Variants in RIMS2 observed in about 807,000 individuals in gnomAD.
RIMS2 encodes regulating synaptic membrane exocytosis protein 2.
RIMS2 carries 59 observed loss-of-function variants against 174.4 expected under a neutral mutation model. The ratio of observed to expected loss-of-function variants is 0.34; its 90% CI spans 0.27 to 0.42. The LOEUF is 0.42. Among genes scored for constraint, RIMS2 ranks in the 10% least tolerant of loss-of-function variants. The probability of loss-of-function intolerance (pLI) is 1.00; values close to 1 mark genes in which losing one functional copy is unlikely to be tolerated. For missense variants in RIMS2, 1,620 were observed against 1,666.3 expected (o/e 0.97, Z 0.48); for synonymous variants, 606 against 572.5 (o/e 1.06, Z -0.84).
chr8:103,849,528 T>G (rs936117385), intron 3 of RIMS2, among the ~76,000 whole-genome samples: 5 of 152,002 alleles, frequency 3.3e-5, no homozygotes, highest in Admixed American at 2.6e-4. Context: ...GTTTTTTGAG[T>G]GTAAATTGCA....
At chr8:104,076,053 G>A (rs547761789) in intron 19 of RIMS2, among the ~76,000 whole-genome samples, 42 of 152,222 alleles carry the variant, frequency 2.8e-4, no homozygotes, top group African/African-American at 8.7e-4. Flanking sequence ...CCTTTATCAA[G>A]TATATTTATG....
At chr8:103,800,014 A>G (rs889456738) in intron 3 of RIMS2, among the ~76,000 whole-genome samples, 1 of 152,184 alleles carries the variant, frequency 6.6e-6, no homozygotes, top group Admixed American at 6.5e-5. Flanking sequence ...TCACTTGTGG[A>G]CATGATGAAG....
rs1242755201 is a variant in RIMS2, at chr8:103,559,755, A to G, written c.176+58693A>G. On this transcript the variant is annotated intron_variant, in intron 1 of 23. Coordinates refer to ENST00000504942, the Ensembl canonical transcript of RIMS2. ...TGTCTGAGATTTTATTCTATTGACA[A>G]ACTAACAAGTTAGCCTGCCGTGGTT... Among the ~76,000 whole-genome samples, 3 of 152,224 alleles carry G rather than the reference A, an allele frequency of 2.0e-5. No individual in the cohort carries two copies. The East Asian group carries it at 5.8e-4, about 29-fold the overall frequency.
At chr8:103,782,433 CGTGTGTGTGTGT>C (rs71297237) in intron 3 of RIMS2, among the ~76,000 whole-genome samples, 5 of 145,736 alleles carry the variant, frequency 3.4e-5, no homozygotes, top group Non-Finnish European at 6.1e-5. Context: ...ACATAAATCC[CGTGTGTGTGTGT>C]GTGTGTGTGT....
At chr8:103,537,652 T>G (rs1256910965) in intron 1 of RIMS2, among the ~76,000 whole-genome samples, 1 of 152,138 alleles carries the variant, frequency 6.6e-6, no homozygotes, top group Non-Finnish European at 1.5e-5. Context: ...ATGTCTGGCT[T>G]TACCAAGCCA....
At chr8:104,175,165 G>A (rs982823636) in intron 19 of RIMS2, among the ~76,000 whole-genome samples, 13 of 151,960 alleles carry the variant, frequency 8.6e-5, no homozygotes, top group African/African-American at 3.1e-4. Context: ...CAAAAGATGT[G>A]TTATCTGCTA....
intron 19 of RIMS2, among the ~76,000 whole-genome samples, chr8:104,169,339 T>TATATATATATATATAA (rs1359764472): frequency 9.0e-5 from 3 of 33,274 alleles, no homozygotes; most frequent in African/African-American, 4.7e-4. Flanking sequence ...TATATATATA[T>TATATATATATATATAA]AAAACAGATT....
chr8:103,709,141 A>T (rs539408472), intron 2 of RIMS2, among the ~76,000 whole-genome samples: 58 of 152,246 alleles, frequency 3.8e-4, no homozygotes, highest in African/African-American at 1.4e-3. Context: ...AATTCAGTAT[A>T]TTTTTTAATA....
chr8:104,238,551 G>A (rs922051285), intron 19 of RIMS2, among the ~76,000 whole-genome samples: 3 of 152,038 alleles, frequency 2.0e-5, no homozygotes, highest in African/African-American at 7.2e-5. Flanking sequence ...GGAGACAATT[G>A]TTATATTTAA....
At chr8:104,248,610 T>C in intron 20 of RIMS2, 91 bp from the exon 27 acceptor site, 2 of 755,480 alleles carry the variant, frequency 2.6e-6, no homozygotes, top group Admixed American at 3.8e-5. Context: ...AGGACTAGTC[T>C]TGCCACAATA....
chr8:103,796,853 A>G (rs2098553281), intron 3 of RIMS2, among the ~76,000 whole-genome samples: 1 of 152,200 alleles, frequency 6.6e-6, no homozygotes, highest in South Asian at 2.1e-4. Context: ...GGTTGTGTGC[A>G]GCAGAACTCC....
chr8:103,795,336 GA>G (rs2098541241), intron 3 of RIMS2, among the ~76,000 whole-genome samples: 1 of 148,562 alleles, frequency 6.7e-6, no homozygotes, highest in Non-Finnish European at 1.5e-5. Context: ...CGCAAGGACA[GA>G]AAACCAGACG....
At chr8:104,065,479 G>A (rs1278274975) in intron 19 of RIMS2, among the ~76,000 whole-genome samples, 1 of 152,126 alleles carries the variant, frequency 6.6e-6, no homozygotes, top group Non-Finnish European at 1.5e-5. Context: ...CCTTGCTGGT[G>A]AAGAATCCTC....
chr8:104,092,069 C>T (rs1311652438), intron 19 of RIMS2, among the ~76,000 whole-genome samples: 1 of 151,576 alleles, frequency 6.6e-6, no homozygotes, highest in African/African-American at 2.4e-5. Context: ...AATTTCTTTA[C>T]GTTTGAAGAA....
chr8:104,003,516 C>G lies in RIMS2; in HGVS notation c.3045-9926C>G, dbSNP rs912931127. Among the ~76,000 whole-genome samples, 15 of 151,828 alleles carry G rather than the reference C, an allele frequency of 9.9e-5. No individual in the cohort carries two copies. The South Asian group carries it at 3.1e-3, about 32-fold the overall frequency. On this transcript the variant is annotated intron_variant, in intron 17 of 23. Coordinates refer to ENST00000504942, the Ensembl canonical transcript of RIMS2. ...GCAACCTCCACCTCCCAGGTTCAAG[C>G]GATTCTCCTGCCTCAGCCTCCTGAG...
chr8:103,998,085 C>CT, intron 17 of RIMS2: 1 of 846,214 alleles, frequency 1.2e-6, no homozygotes, highest in South Asian at 1.7e-5. Context: ...TGCTTACTGT[C>CT]TGCCTATCTT....
At position 104,242,178 on chromosome 8, in the gene RIMS2, T is replaced by C. The variant is rs962347567; in HGVS notation, c.3335-2738T>C. On this transcript the variant is annotated intron_variant, in intron 19 of 23. Coordinates refer to ENST00000504942, the Ensembl canonical transcript of RIMS2. Reference sequence around the variant, plus strand: ...CATTTCTCCTTAACATTCTCCCTCATTTTTTGAAACATATATGTGCAGTTT... The same window carrying C: ...CATTTCTCCTTAACATTCTCCCTCACTTTTTGAAACATATATGTGCAGTTT... 1.4e-4 allele frequency among the ~76,000 whole-genome samples: 22 copies of C among 152,214 alleles called. No individual in the cohort carries two copies. The South Asian group carries it at 4.6e-3, about 32-fold the overall frequency.
intron 19 of RIMS2, among the ~76,000 whole-genome samples, chr8:104,027,050 T>G (rs1428640280): frequency 6.6e-6 from 1 of 152,148 alleles, no homozygotes; most frequent in African/African-American, 2.4e-5. Context: ...ATCATATGTT[T>G]TTGAGCAGGA....
chr8:103,622,348 A>T (rs1336608470), intron 1 of RIMS2, among the ~76,000 whole-genome samples: 1 of 152,186 alleles, frequency 6.6e-6, no homozygotes, highest in Admixed American at 6.5e-5. Flanking sequence ...TGAAGATATT[A>T]TCTGGAAGAT....
Sources: allele counts gnomAD v4.1 joint callset (sites outside exome capture counted in the v4.1 genomes callset), GRCh38; gene constraint gnomAD v4.1.1; transcripts MANE v1.5; gene names NCBI Gene and HGNC (gene_info 2026-07-23, HGNC 2026-07-21).